The following PACRG variants were observed in gnomAD, a reference collection of about 807,000 sequenced individuals.
PACRG encodes the protein parkin coregulated, also known as parkin coregulated gene protein.
A neutral mutation model predicts 29.7 loss-of-function variants in PACRG; 29 were observed. That is an observed-to-expected ratio of 0.98 (90% CI 0.73 to 1.33). PACRG has a LOEUF of 1.33. Ranked by LOEUF, PACRG falls within the 40% of genes most tolerant of loss-of-function variation. PACRG has a pLI of 0.00. For synonymous variants in PACRG, 116 were observed against 118.7 expected (o/e 0.98, Z 0.15); for missense variants, 279 against 316.2 (o/e 0.88, Z 0.89).
intron 2 of PACRG, among the ~76,000 whole-genome samples, chr6:162,923,874 G>A (rs1018470946): frequency 2.6e-5 from 4 of 151,744 alleles, no homozygotes; most frequent in Admixed American, 1.3e-4. Flanking sequence ...GACTTTTTTG[G>A]TTCCATATAA....
In PACRG at chr6:163,052,281, T is replaced by C. The variant is rs185943864; in HGVS notation, c.292-9869T>C. Among the ~76,000 whole-genome samples, 895 of 152,326 alleles carry C rather than the reference T, an allele frequency of 5.9e-3. 4 individuals carry two copies. Among genetic ancestry groups the C allele is most frequent in the African/African-American group, 0.015 (609 of 41,572 alleles). ...TCTAAAGGAGGTCATAATATATTAATAGATAATTATACTTTTTCAGATTAA... is the reference window on the plus strand; with the variant it reads ...TCTAAAGGAGGTCATAATATATTAACAGATAATTATACTTTTTCAGATTAA... On this transcript the variant is annotated intron_variant, in intron 2 of 4. Coordinates refer to ENST00000366888, the MANE Select transcript of PACRG (RefSeq NM_001080379.2).
chr6:163,299,794 G>A (rs561646719), intron 4 of PACRG, among the ~76,000 whole-genome samples: 241 of 152,268 alleles, frequency 1.6e-3, no homozygotes, highest in South Asian at 2.3e-3. Context: ...CAGGAGAATC[G>A]CTTGAACCAG....
At chr6:162,863,885 A>C (rs1192622755) in intron 2 of PACRG, among the ~76,000 whole-genome samples, 1 of 151,926 alleles carries the variant, frequency 6.6e-6, no homozygotes. Flanking sequence ...TTTCTGCTTC[A>C]TTTTTCTTTA....
At chr6:162,740,914 A>G (rs982071487) in intron 1 of PACRG, among the ~76,000 whole-genome samples, 4 of 152,034 alleles carry the variant, frequency 2.6e-5, no homozygotes, top group Admixed American at 1.3e-4. Flanking sequence ...AATTTTTTAT[A>G]TTCTTAATTT....
intron 1 of PACRG, among the ~76,000 whole-genome samples, chr6:162,783,732 T>C (rs1784258300): frequency 6.6e-6 from 1 of 152,034 alleles, no homozygotes; most frequent in African/African-American, 2.4e-5. Flanking sequence ...AATTGTTGGA[T>C]CAAGGGGTAT....
chr6:162,983,697 C>T (rs985669032), intron 2 of PACRG, among the ~76,000 whole-genome samples: 2 of 151,980 alleles, frequency 1.3e-5, no homozygotes, highest in African/African-American at 2.4e-5. Context: ...GATAGTTTTT[C>T]CCTTAGAGGT....
intron 4 of PACRG, among the ~76,000 whole-genome samples, chr6:163,260,050 G>A (rs907675505): frequency 6.6e-6 from 1 of 152,032 alleles, no homozygotes; most frequent in Admixed American, 6.5e-5. Flanking sequence ...GGGCCATCCC[G>A]CCCCTCCAAG....
intron 2 of PACRG, among the ~76,000 whole-genome samples, chr6:162,940,210 G>C (rs1798517785): frequency 6.6e-6 from 1 of 152,176 alleles, no homozygotes; most frequent in Non-Finnish European, 1.5e-5. Context: ...CAACAAATGA[G>C]AAGTAGAGGC....
In PACRG at chr6:163,163,942, G is replaced by A. The variant is rs982677417; in HGVS notation, c.613+74534G>A. 2.0e-5 allele frequency among the ~76,000 whole-genome samples: 3 copies of A among 152,124 alleles called. No individual in the cohort carries two copies. In the Middle Eastern group the frequency reaches 0.01, roughly 521 times the overall value. The stretch of plus-strand genomic sequence containing the variant: ...TATTTTACAGATAAATAGATATTGC[G>A]ATTTGTTTTTAAGCTGTCATGAATC... On this transcript the variant is annotated intron_variant, in intron 4 of 4. Coordinates refer to ENST00000366888, the MANE Select transcript of PACRG (RefSeq NM_001080379.2).
intron 2 of PACRG, among the ~76,000 whole-genome samples, chr6:162,996,581 T>C (rs560321918): frequency 6.6e-6 from 1 of 152,126 alleles, no homozygotes; most frequent in Non-Finnish European, 1.5e-5. Context: ...ATCCATTCAA[T>C]GGAATATTAT....
chr6:162,746,779 C>G (rs943829681), intron 1 of PACRG, among the ~76,000 whole-genome samples: 3 of 152,126 alleles, frequency 2.0e-5, no homozygotes, highest in Non-Finnish European at 4.4e-5. Flanking sequence ...TGATTCCGCT[C>G]AGAATGTCCA....
intron 2 of PACRG, among the ~76,000 whole-genome samples, chr6:162,963,788 A>T (rs552082769): frequency 5.3e-5 from 8 of 151,998 alleles, no homozygotes; most frequent in Non-Finnish European, 1.0e-4. Context: ...TTCAGTATCA[A>T]CAGAACTCTA....
At chr6:162,910,236 T>G (rs2128075462) in intron 2 of PACRG, among the ~76,000 whole-genome samples, 1 of 152,340 alleles carries the variant, frequency 6.6e-6, no homozygotes, top group South Asian at 2.1e-4. Context: ...AATAACTTCC[T>G]CAAGGTCACA....
At chr6:162,964,471 G>T (rs184306912) in intron 2 of PACRG, among the ~76,000 whole-genome samples, 1 of 152,290 alleles carries the variant, frequency 6.6e-6, no homozygotes, top group Non-Finnish European at 1.5e-5. Context: ...TAGTAAGAAA[G>T]AGAAGATTCG....
At chr6:163,304,116 C>T (rs1785107853) in intron 4 of PACRG, among the ~76,000 whole-genome samples, 1 of 150,372 alleles carries the variant, frequency 6.7e-6, no homozygotes, top group Non-Finnish European at 1.5e-5. Context: ...TCCAGGTAAA[C>T]CCCACTTTAA....
chr6:163,101,025 C>G (rs1463892220), intron 4 of PACRG: 1 of 982,760 alleles, frequency 1.0e-6, no homozygotes. Flanking sequence ...AAGTACAGTA[C>G]TTTAATATGA....
intron 4 of PACRG, among the ~76,000 whole-genome samples, chr6:163,177,709 G>GGTTTTTTTTTTT (rs1562951194): frequency 8.9e-5 from 3 of 33,644 alleles, no homozygotes; most frequent in Non-Finnish European, 2.0e-4. Context: ...TTAGAAAAGG[G>GGTTTTTTTTTTT]ATTTTTTTTT....
chr6:163,026,468 C>A (rs189877668), intron 2 of PACRG, among the ~76,000 whole-genome samples: 91 of 152,170 alleles, frequency 6.0e-4, no homozygotes, highest in Non-Finnish European at 1.0e-3. Flanking sequence ...TAATAAAAAG[C>A]AAGAAAATGC....
At chr6:163,037,843 T>G (rs914240415) in intron 2 of PACRG, among the ~76,000 whole-genome samples, 1 of 152,180 alleles carries the variant, frequency 6.6e-6, no homozygotes, top group Non-Finnish European at 1.5e-5. Flanking sequence ...TGCTGCCCCT[T>G]CCTGTCTGGG....
Sources: gnomAD v4.1 joint callset for allele counts (sites outside exome capture counted in the v4.1 genomes callset) on GRCh38, gnomAD v4.1.1 for gene constraint, MANE v1.5 for transcripts, NCBI Gene and HGNC (gene_info 2026-07-23, HGNC 2026-07-21) for gene names.